The following TMEM52 variants were observed in gnomAD, a reference collection of about 807,000 sequenced individuals.
The protein encoded by TMEM52 is transmembrane protein 52.
A neutral mutation model predicts 16.2 loss-of-function variants in TMEM52; 14 were observed. That is an observed-to-expected ratio of 0.87 (90% confidence interval 0.57 to 1.35). The LOEUF is 1.35. Ranked by LOEUF, TMEM52 falls within the 40% of genes most tolerant of loss-of-function variation. TMEM52 has a pLI of 0.00. For synonymous variants in TMEM52, 136 were observed against 124.7 expected (o/e 1.09, Z -0.60); for missense variants, 309 against 278.6 (o/e 1.11, Z -0.78).
chr1:1,918,697 C>T (rs2295364), intron 3 of TMEM52, 196 bp downstream of exon 3: 191,522 of 702,140 alleles, frequency 0.27, 27,910 homozygotes, highest in African/African-American at 0.44. Context: ...TGAGCGGGAT[C>T]GTAGGGGACT....
intron 3 of TMEM52, 46 bp downstream of exon 3, chr1:1,918,847 G>A (rs1217855170): frequency 4.0e-6 from 6 of 1,481,728 alleles, no homozygotes; most frequent in Middle Eastern, 2.4e-4. Context: ...GGTGACCCCC[G>A]CCCCAGAACC....
At position 1,918,382 on chromosome 1, in the gene TMEM52, C is replaced by T. The variant is rs1381531716; in HGVS notation, c.220G>A (p.Gly74Ser). ...LLLLLCGVTAGCVRFCCLRKQ... is the reference protein window; with the variant it reads ...LLLLLCGVTASCVRFCCLRKQ... ...CGGAGGCAGCAGAACCGGACACAACCAGCTGTGACACCACACAGCAGAAGC... is the reference window on the plus strand; with the variant it reads ...CGGAGGCAGCAGAACCGGACACAACTAGCTGTGACACCACACAGCAGAAGC... The change falls in exon 4 of 5, where the codon GGT becomes AGT. Residue 74 changes from glycine (G) to serine (S), a missense_variant. By Grantham distance (56) the Gly-to-Ser change is moderately conservative (BLOSUM62 0). Transcript: ENST00000310991. 1 of 1,612,736 alleles carries T rather than the reference C, an allele frequency of 6.2e-7. No individual in the cohort carries two copies. The highest frequency in any genetic ancestry group is 1.7e-5 in the Admixed American group (1 of 59,990).
intron 4 of TMEM52, 43 bp downstream of exon 4, chr1:1,918,210 C>G: frequency 6.2e-7 from 1 of 1,607,978 alleles, no homozygotes; most frequent in East Asian, 2.2e-5. Flanking sequence ...GGCATTTACC[C>G]CCGCCATCTC....
In TMEM52 at chr1:1,919,074, G is replaced by C; in HGVS notation, c.99C>G (p.Phe33Leu). The C allele has an allele frequency of 7.5e-7, 1 of 1,340,390 alleles. No individual in the cohort carries two copies. The highest frequency in any genetic ancestry group is 9.5e-7 in the Non-Finnish European group (1 of 1,049,672). The allele number at this position is 1,340,390 out of a possible 1,614,324, so 83.0% of individuals were successfully genotyped here. ...CCGAGGGGTCGCAGCTGCCGTCCGCGAAGCCCAGCGCCACCTGTGGGGACA... is the reference window on the plus strand; with the variant it reads ...CCGAGGGGTCGCAGCTGCCGTCCGCCAAGCCCAGCGCCACCTGTGGGGACA... ...LLPLPQVALG[F>L]ADGSCDPSDQ... Residue 33 changes from phenylalanine (F) to leucine (L), a missense_variant, in exon 2 of 5, where the codon TTC (phenylalanine) becomes TTG (leucine). Phe to Leu is a conservative substitution (Grantham distance 22, BLOSUM62 0). Coordinates refer to ENST00000310991, the MANE Select transcript of TMEM52 (RefSeq NM_178545.4).
intron 3 of TMEM52, 112 bp downstream of exon 3, chr1:1,918,781 G>A (rs1431589631): frequency 7.8e-6 from 10 of 1,286,742 alleles, no homozygotes; most frequent in Non-Finnish European, 3.1e-6. Flanking sequence ...CAGCGGCCGG[G>A]ACTGGGCGAC....
At chr1:1,918,513 C>G (rs375978965) in intron 3 of TMEM52, 82 bp from the exon 4 acceptor site, 10 of 1,175,848 alleles carry the variant, frequency 8.5e-6, no homozygotes, top group Non-Finnish European at 1.2e-5. Context: ...GCACAACCAC[C>G]GAAGACAGGT....
In TMEM52 at chr1:1,918,636, G is replaced by T. The variant is rs912145028; in HGVS notation, c.171-205C>A. On this transcript the variant is annotated intron_variant, in intron 3 of 4. Transcript: ENST00000310991. ...TATCTCTCCTGGGCTGGCCAGGGGT[G>T]GCCTTGGGCTCACTCCCAGGACTCG... The T allele has an allele frequency of 1.1e-5, 8 of 705,590 alleles. No individual in the cohort carries two copies. The Admixed American group carries it at 1.4e-4, about 12-fold the overall frequency. 43.7% of individuals were successfully genotyped at this position (705,590 alleles called of 1,614,324 possible).
chr1:1,918,491 G>A (rs749085876), intron 3 of TMEM52, 60 bp from the exon 4 acceptor site: 3 of 1,420,810 alleles, frequency 2.1e-6, no homozygotes, highest in African/African-American at 2.8e-5. Flanking sequence ...CTGCACCCTG[G>A]GGAATGTCGT....
rs1570796765 is a variant in TMEM52, at chr1:1,919,030, T to C, written c.128+15A>G. 1.5e-6 allele frequency: 2 copies of C among 1,325,226 alleles called. No homozygotes were observed. The highest frequency in any genetic ancestry group is 9.6e-7 in the Non-Finnish European group (1 of 1,041,362). 82.1% of individuals were successfully genotyped at this position (1,325,226 alleles called of 1,614,324 possible). ...AGGGCGGGGCCAGGCCCCGGCTCCC[T>C]CCCCCCCGACTTACTGGTCCGAGGG... On this transcript the variant is annotated intron_variant, in intron 2 of 4. Transcript: ENST00000310991.
chr1:1,917,615 C>G lies in TMEM52; in HGVS notation c.*267G>C, dbSNP rs1034030604. 1 of 570,912 alleles carries G rather than the reference C, an allele frequency of 1.8e-6. No homozygotes were observed. Among genetic ancestry groups the G allele is most frequent in the African/African-American group, 1.9e-5 (1 of 53,510 alleles). 35.4% of individuals were successfully genotyped at this position (570,912 alleles called of 1,614,324 possible). A position where few individuals can be genotyped will look rare whatever the true frequency, so the allele number is the denominator to read the frequency against. On this transcript the variant is annotated 3_prime_UTR_variant, in exon 5 of 5. Coordinates refer to ENST00000310991, the MANE Select transcript of TMEM52 (RefSeq NM_178545.4). Reference sequence around the variant, plus strand: ...ACCACTTAAATACAAACTTTATTCTCTCTCCAAGAAGATGCAGACGTCACA... The same window carrying G: ...ACCACTTAAATACAAACTTTATTCTGTCTCCAAGAAGATGCAGACGTCACA...
In TMEM52 at chr1:1,919,078, C is replaced by A; in HGVS notation, c.95G>T (p.Gly32Val). 7.4e-7 allele frequency: 1 copy of A among 1,343,212 alleles called. No individual in the cohort carries two copies. The highest frequency in any genetic ancestry group is 3.0e-5 in the East Asian group (1 of 33,004). The allele number at this position is 1,343,212 out of a possible 1,614,324, so 83.2% of individuals were successfully genotyped here. Residue 32 changes from glycine (G) to valine (V), a missense_variant, in exon 2 of 5, where the codon GGC (glycine) becomes GTC (valine). Transcript: ENST00000310991. The part of the protein sequence containing the change: ...PLLPLPQVAL[G>V]FADGSCDPSD... ...GGGGTCGCAGCTGCCGTCCGCGAAG[C>A]CCAGCGCCACCTGTGGGGACAAGGG...
Position 1,917,761 on chromosome 1 carries a change from G to C in TMEM52, c.*121C>G. ...GCAGCCTGCCTAGTGGGTGACGCCAGGGGCCGGTGTAACATGGCACCGAGG... is the reference window on the plus strand; with the variant it reads ...GCAGCCTGCCTAGTGGGTGACGCCACGGGCCGGTGTAACATGGCACCGAGG... On this transcript the variant is annotated 3_prime_UTR_variant, in exon 5 of 5. Transcript: ENST00000310991. 8.6e-7 allele frequency: 1 copy of C among 1,167,474 alleles called. No individual in the cohort carries two copies. Among genetic ancestry groups the C allele is most frequent in the Non-Finnish European group, 1.2e-6 (1 of 815,510 alleles). 72.3% of individuals were successfully genotyped at this position (1,167,474 alleles called of 1,614,324 possible).
chr1:1,918,276 C>T lies in TMEM52; in HGVS notation c.326G>A (p.Ser109Asn), dbSNP rs1207954710. Residue 109 changes from serine (S) to asparagine (N), a missense_variant, in exon 4 of 5, where the codon AGC becomes AAC. Coordinates refer to ENST00000310991, the MANE Select transcript of TMEM52 (RefSeq NM_178545.4). ...DVAVIPMDSD[S>N]PVHSTVTSYS... ...ACAGGTCACAGTGCTGTGTACAGGG[C>T]TGTCACTGTCCATAGGGATGACTGC... is the stretch of plus-strand genomic sequence containing the variant. 6.2e-7 allele frequency: 1 copy of T among 1,612,694 alleles called. No homozygotes were observed. Among genetic ancestry groups the T allele is most frequent in the Non-Finnish European group, 8.5e-7 (1 of 1,179,952 alleles).
intron 4 of TMEM52, 43 bp downstream of exon 4, chr1:1,918,210 C>T: frequency 6.2e-7 from 1 of 1,607,978 alleles, no homozygotes; most frequent in Non-Finnish European, 8.5e-7. Flanking sequence ...GGCATTTACC[C>T]CCGCCATCTC....
chr1:1,918,562 A>G, intron 3 of TMEM52, 131 bp from the exon 4 acceptor site: 1 of 904,898 alleles, frequency 1.1e-6, no homozygotes, highest in Non-Finnish European at 1.8e-6. Flanking sequence ...TCCATGTCGG[A>G]GACCGCCGTG....
intron 1 of TMEM52, 23 bp from the exon 2 acceptor site, chr1:1,919,111 G>C (rs758164721): frequency 7.4e-7 from 1 of 1,351,042 alleles, no homozygotes; most frequent in East Asian, 3.0e-5. Context: ...GGGTGAGCCC[G>C]GGAGGGGCGT....
intron 3 of TMEM52, 132 bp downstream of exon 3, chr1:1,918,761 C>A: frequency 9.1e-7 from 1 of 1,096,438 alleles, no homozygotes; most frequent in East Asian, 2.6e-5. Flanking sequence ...TGCTCCAGGT[C>A]AGTTCCCGCC....
Position 1,919,245 on chromosome 1 carries a change from G to C in TMEM52, c.21C>G (p.Ala7=). ...GCAGCAGCAGCCGCAGTCCGCGGGC[G>C]GCCAGCGGCCCCCGGGCCATGCTCT... MARGPL[A]ARGLRLLLPL... is the part of the protein sequence containing the mutation. The change falls in exon 1 of 5, where the codon GCC becomes GCG. Residue 7 remains alanine, a synonymous_variant. Coordinates refer to ENST00000310991, the MANE Select transcript of TMEM52 (RefSeq NM_178545.4). The C allele has an allele frequency of 1.2e-5, 17 of 1,365,432 alleles. No homozygotes were observed. The highest frequency in any genetic ancestry group is 1.4e-5 in the Non-Finnish European group (15 of 1,067,730). The allele number at this position is 1,365,432 out of a possible 1,614,324, so 84.6% of individuals were successfully genotyped here.
At position 1,917,872 on chromosome 1, in the gene TMEM52, C is replaced by T. The variant is rs1651195636; in HGVS notation, c.*10G>A. 1.2e-6 allele frequency: 2 copies of T among 1,611,312 alleles called. No individual in the cohort carries two copies. Among genetic ancestry groups the T allele is most frequent in the Non-Finnish European group, 1.7e-6 (2 of 1,178,390 alleles). ...AGTTCTCCAAGCTCTGGTCCGTTCT[C>T]CTACCTCCTTCAAGGGGCACCAGGG... On this transcript the variant is annotated 3_prime_UTR_variant, in exon 5 of 5. Coordinates refer to ENST00000310991, the MANE Select transcript of TMEM52 (RefSeq NM_178545.4).
Sources: gnomAD v4.1 joint callset for allele counts on GRCh38, gnomAD v4.1.1 for gene constraint, MANE v1.5 for transcripts, NCBI Gene and HGNC (gene_info 2026-07-23, HGNC 2026-07-21) for gene names.